Variants in TBC1D23 observed in about 807,000 individuals in gnomAD.
TBC1D23 encodes HCV non-structural protein 4A-transactivated protein 1.
Under a neutral mutation model 91.4 loss-of-function variants are expected in TBC1D23, and 55 were observed. The ratio of observed to expected loss-of-function variants is 0.60; its 90% CI spans 0.48 to 0.75. The LOEUF (loss-of-function observed/expected upper bound fraction) is 0.75, where lower values mean the gene tolerates loss of function less well. Among genes scored for constraint, TBC1D23 ranks in the 30% least tolerant of loss-of-function variants. The pLI is 0.00. For synonymous variants in TBC1D23, 289 were observed against 281.0 expected, an observed-to-expected ratio of 1.03 and a Z score of -0.28; for missense variants, 725 against 836.1, an observed-to-expected ratio of 0.87 and a Z score of 1.64.
intron 18 of TBC1D23, among the ~76,000 whole-genome samples, chr3:100,322,746 G>A (rs1423311578): frequency 6.6e-6 from 1 of 151,912 alleles, no homozygotes; most frequent in East Asian, 1.9e-4. Context: ...ATAAATTGAA[G>A]TTTATTATAT....
At chr3:100,263,763 C>T (rs9863738) in intron 1 of TBC1D23, among the ~76,000 whole-genome samples, 46,244 of 152,046 alleles carry the variant, frequency 0.3, 8,537 homozygotes, top group Non-Finnish European at 0.41. Context: ...GTAACCAGCT[C>T]ATAGAGTGCC....
chr3:100,276,698 C>T (rs2067651755), intron 1 of TBC1D23, among the ~76,000 whole-genome samples: 1 of 152,170 alleles, frequency 6.6e-6, no homozygotes. Flanking sequence ...GATTTTACCA[C>T]ACAACATCAG....
intron 1 of TBC1D23, among the ~76,000 whole-genome samples, chr3:100,268,483 G>A (rs2067574998): frequency 6.6e-6 from 1 of 152,160 alleles, no homozygotes; most frequent in Non-Finnish European, 1.5e-5. Flanking sequence ...ATGTTGCAAA[G>A]TGTTGTCACT....
intron 13 of TBC1D23, among the ~76,000 whole-genome samples, chr3:100,310,077 G>A (rs757627305): frequency 2.6e-4 from 40 of 152,190 alleles, no homozygotes; most frequent in Non-Finnish European, 5.6e-4. Flanking sequence ...TTATCCTGAG[G>A]CCTCTCTCCT....
At chr3:100,294,942 A>G in intron 5 of TBC1D23, 145 bp from the exon 6 acceptor site, 1 of 780,760 alleles carries the variant, frequency 1.3e-6, no homozygotes, top group East Asian at 2.9e-5. Context: ...TTGCCTTTGG[A>G]TTTCATACAC....
chr3:100,263,127 G>A (rs531297867), intron 1 of TBC1D23, among the ~76,000 whole-genome samples: 34 of 152,318 alleles, frequency 2.2e-4, no homozygotes, highest in African/African-American at 7.5e-4. Flanking sequence ...ATAAGGGCGG[G>A]GCCGTTTTAT....
At chr3:100,266,174 A>G (rs1014434567) in intron 1 of TBC1D23, among the ~76,000 whole-genome samples, 31 of 152,322 alleles carry the variant, frequency 2.0e-4, no homozygotes, top group Middle Eastern at 3.4e-3. Flanking sequence ...GTAAACTATA[A>G]TTAGAGGGCA....
intron 4 of TBC1D23, among the ~76,000 whole-genome samples, chr3:100,284,874 G>A (rs1238945239): frequency 1.3e-5 from 2 of 152,180 alleles, no homozygotes; most frequent in African/African-American, 4.8e-5. Context: ...GCATACATGA[G>A]TAATTAAATG....
At chr3:100,298,617 C>A (rs974630659) in intron 9 of TBC1D23, among the ~76,000 whole-genome samples, 4 of 152,126 alleles carry the variant, frequency 2.6e-5, no homozygotes, top group African/African-American at 9.7e-5. Context: ...GGAAAATAGC[C>A]TTTTATGGTA....
At chr3:100,281,695 T>G (rs757795801) in intron 2 of TBC1D23, 47 bp from the exon 3 acceptor site, 1 of 1,202,988 alleles carries the variant, frequency 8.3e-7, no homozygotes, top group Non-Finnish European at 1.2e-6. Flanking sequence ...TTTCCAAGAA[T>G]GAGGAATAAC....
rs544062919 is a variant in TBC1D23 at position 100,313,876 on chromosome 3, A to G, written c.1598+1999A>G. 4.1e-4 allele frequency among the ~76,000 whole-genome samples: 63 copies of G among 152,070 alleles called. 1 individual carries two copies. The highest frequency in any genetic ancestry group is 6.9e-4 in the Non-Finnish European group (47 of 68,010). The stretch of plus-strand genomic sequence containing the variant: ...ATATCATTTTCTATCTCTCATGAGC[A>G]TAGTTTGGTAATTTACAGGACAATT... On this transcript the variant is annotated intron_variant, in intron 15 of 18. Transcript: ENST00000394144.
intron 1 of TBC1D23, among the ~76,000 whole-genome samples, chr3:100,278,169 T>A (rs2067665592): frequency 6.6e-6 from 1 of 151,914 alleles, no homozygotes; most frequent in East Asian, 1.9e-4. Context: ...AAATGAAGAG[T>A]GGGAATAATT....
chr3:100,286,739 G>A (rs573778342), intron 4 of TBC1D23, among the ~76,000 whole-genome samples: 1 of 152,018 alleles, frequency 6.6e-6, no homozygotes, highest in African/African-American at 2.4e-5. Flanking sequence ...CAAGGGATCC[G>A]CCCAACTCGA....
intron 2 of TBC1D23, among the ~76,000 whole-genome samples, chr3:100,280,707 A>C (rs2067686738): frequency 6.6e-6 from 1 of 152,168 alleles, no homozygotes; most frequent in Non-Finnish European, 1.5e-5. Context: ...GAACTTGTAT[A>C]ATGAACTCCC....
chr3:100,261,298 T>C, intron 1 of TBC1D23: 1 of 579,518 alleles, frequency 1.7e-6, no homozygotes, highest in Non-Finnish European at 3.1e-6. Flanking sequence ...ATCCAGGTGC[T>C]GGGCCTCAGA....
intron 11 of TBC1D23, among the ~76,000 whole-genome samples, chr3:100,303,279 TTACTGGGAATC>T (rs2148865480): frequency 6.6e-6 from 1 of 152,326 alleles, no homozygotes; most frequent in East Asian, 1.9e-4. Flanking sequence ...ATGTTGTATT[TTACTGGGAATC>T]TGGTTTGAAA....
chr3:100,304,871 C>A lies in TBC1D23; in HGVS notation c.1289C>A (p.Ala430Asp). 1 of 1,502,380 alleles carries A rather than the reference C, an allele frequency of 6.7e-7. No homozygotes were observed. Among genetic ancestry groups the A allele is most frequent in the Non-Finnish European group, 9.2e-7 (1 of 1,081,272 alleles). 93.1% of individuals were successfully genotyped at this position (1,502,380 alleles called of 1,614,324 possible). ...LQKNKEYVSI[A>D]SGGFMALQQH... ...AAAAACAAAGAATATGTGAGTATTG[C>A]CAGTGGAGGATTTATGGGTAAGATT... is the stretch of plus-strand genomic sequence containing the variant. The change falls in exon 12 of 19, where the codon GCC becomes GAC. Residue 430 changes from alanine (A) to aspartate (D), a missense_variant. Ala to Asp is a moderately radical substitution (Grantham distance 126). Coordinates refer to ENST00000394144, the MANE Select transcript of TBC1D23 (RefSeq NM_001199198.3).
At chr3:100,305,221 C>T (rs550725963) in intron 12 of TBC1D23, among the ~76,000 whole-genome samples, 69 of 152,182 alleles carry the variant, frequency 4.5e-4, no homozygotes, top group African/African-American at 1.6e-3. Flanking sequence ...TCAAGGAATA[C>T]TTTTTATAGT....
Position 100,297,944 on chromosome 3 carries a change from A to G in TBC1D23, c.898A>G (p.Ser300Gly). The change falls in exon 9 of 19, where the codon AGT (serine) becomes GGT (glycine). Residue 300 changes from serine (S) to glycine (G), a missense_variant. By Grantham distance (56) the Ser-to-Gly change is moderately conservative (BLOSUM62 0). Coordinates refer to ENST00000394144, the MANE Select transcript of TBC1D23 (RefSeq NM_001199198.3). The part of the protein sequence containing the change: ...FRKDNHHLFG[S>G]TLLGIKDDDA... ...ACAGGATAATCACCATCTCTTTGGT[A>G]GTACTTTGTTGGGAATTAAGGATGA... 1.2e-6 allele frequency: 2 copies of G among 1,611,222 alleles called. No homozygotes were observed. The highest frequency in any genetic ancestry group is 1.7e-6 in the Non-Finnish European group (2 of 1,177,798).
Sources: allele counts gnomAD v4.1 joint callset (sites outside exome capture counted in the v4.1 genomes callset), GRCh38; gene constraint gnomAD v4.1.1; transcripts MANE v1.5; gene names NCBI Gene and HGNC (gene_info 2026-07-23, HGNC 2026-07-21).